SAMSN1: variants seen among roughly 807,000 people sequenced by gnomAD.
SAMSN1 encodes the protein SAM domain, SH3 domain and nuclear localization signals 1.
A neutral mutation model predicts 42.0 loss-of-function variants in SAMSN1; 31 were observed. The observed-to-expected ratio is 0.74, with a 90% CI of 0.55 to 1.00. The LOEUF (loss-of-function observed/expected upper bound fraction) is 1.00, where lower values mean the gene tolerates loss of function less well. Among genes scored for constraint, SAMSN1 ranks in the 50% least tolerant of loss-of-function variants. The probability of loss-of-function intolerance (pLI) is 0.00; values close to 1 mark genes in which losing one functional copy is unlikely to be tolerated. For synonymous variants in SAMSN1, 178 were observed against 151.9 expected (o/e 1.17, Z -1.26); for missense variants, 464 against 439.4 (o/e 1.06, Z -0.50).
At chr21:14,618,482 C>T (rs1400370865) in intron 2 of SAMSN1, among the ~76,000 whole-genome samples, 1 of 152,118 alleles carries the variant, frequency 6.6e-6, no homozygotes, top group Non-Finnish European at 1.5e-5. Flanking sequence ...TTTAGTACTG[C>T]TTATACCAGA....
chr21:14,575,654 G>A (rs141335806), intron 2 of SAMSN1, among the ~76,000 whole-genome samples: 4 of 152,108 alleles, frequency 2.6e-5, no homozygotes, highest in East Asian at 3.8e-4. Flanking sequence ...ACCTTCTTCC[G>A]GGTGAGTGTG....
At chr21:14,582,559 A>G in intron 1 of SAMSN1, 1 of 614,718 alleles carries the variant, frequency 1.6e-6, no homozygotes, top group Non-Finnish European at 2.9e-6. Flanking sequence ...TCTTCCATTT[A>G]TATAAGAGAA....
At position 14,498,564 on chromosome 21, in the gene SAMSN1, C is replaced by G. The variant is rs1478415228; in HGVS notation, c.797G>C (p.Gly266Ala). 1 of 1,602,558 alleles carries G rather than the reference C, an allele frequency of 6.2e-7. No individual in the cohort carries two copies. Among genetic ancestry groups the G allele is most frequent in the East Asian group, 2.2e-5 (1 of 44,502 alleles). ...TTTTAAATCTTCTAGAGTCTCATAACCATTGAGCAAAAGTGTTGAGGTGTA... is the reference window on the plus strand; with the variant it reads ...TTTTAAATCTTCTAGAGTCTCATAAGCATTGAGCAAAAGTGTTGAGGTGTA... ...QEYTSTLLLNGYETLEDLKDI... is the reference protein window; with the variant it reads ...QEYTSTLLLNAYETLEDLKDI... The change falls in exon 7 of 8, where the codon GGT becomes GCT. Residue 266 changes from glycine to alanine, a missense_variant. Gly to Ala is a moderately conservative substitution (Grantham distance 60, BLOSUM62 0). Transcript: ENST00000400566.
exon 2 of SAMSN1, chr21:14,582,375 G>A (rs753437101): frequency 1.3e-6 from 2 of 1,550,172 alleles, no homozygotes; most frequent in Admixed American, 3.9e-5. Flanking sequence ...GATGCAGAAA[G>A]AGTATCCAAT....
chr21:14,604,906 T>C (rs1166101278), intron 5 of SAMSN1, among the ~76,000 whole-genome samples: 1 of 152,224 alleles, frequency 6.6e-6, no homozygotes, highest in South Asian at 2.1e-4. Context: ...GTTCCCCAAA[T>C]GAATTACTGA....
intron 7 of SAMSN1, among the ~76,000 whole-genome samples, chr21:14,486,862 G>A (rs1986455397): frequency 6.6e-6 from 1 of 152,028 alleles, no homozygotes; most frequent in Non-Finnish European, 1.5e-5. Context: ...TATTCAACAG[G>A]CATTATCTTT....
chr21:14,508,086 T>A (rs1247045599), intron 5 of SAMSN1, among the ~76,000 whole-genome samples: 1 of 152,154 alleles, frequency 6.6e-6, no homozygotes, highest in Non-Finnish European at 1.5e-5. Flanking sequence ...AAATCTAAGA[T>A]CTGAAACTAT....
chr21:14,659,417 C>A (rs941224302), upstream of SAMSN1, among the ~76,000 whole-genome samples: 5 of 151,938 alleles, frequency 3.3e-5, no homozygotes, highest in African/African-American at 1.2e-4. Flanking sequence ...CTAACTCAAA[C>A]CCCATACCCA....
intron 5 of SAMSN1, among the ~76,000 whole-genome samples, chr21:14,501,828 G>A (rs1181332223): frequency 6.6e-6 from 1 of 152,166 alleles, no homozygotes; most frequent in East Asian, 1.9e-4. Flanking sequence ...AAGTATGAAT[G>A]AATCATATTA....
intron 1 of SAMSN1, among the ~76,000 whole-genome samples, chr21:14,648,104 T>C (rs910207696): frequency 1.3e-5 from 2 of 151,452 alleles, no homozygotes; most frequent in South Asian, 4.2e-4. Flanking sequence ...GCCCATTCAG[T>C]ATGATATTGG....
intron 4 of SAMSN1, among the ~76,000 whole-genome samples, chr21:14,611,067 A>G (rs1982693829): frequency 6.6e-6 from 1 of 151,984 alleles, no homozygotes; most frequent in Non-Finnish European, 1.5e-5. Flanking sequence ...CTGAAACTAC[A>G]GTCATGTGCC....
intron 2 of SAMSN1, among the ~76,000 whole-genome samples, chr21:14,519,800 A>G (rs761168123): frequency 3.2e-4 from 49 of 152,302 alleles, no homozygotes; most frequent in Admixed American, 1.6e-3. Flanking sequence ...ATCAGGTTCA[A>G]TGGTAAACAG....
Position 14,516,945 on chromosome 21 carries a change from T to C in SAMSN1, c.226A>G (p.Thr76Ala). Residue 76 changes from threonine (T) to alanine (A), a missense_variant, in exon 3 of 8, where the codon ACA becomes GCA. Coordinates refer to ENST00000400566, the MANE Select transcript of SAMSN1 (RefSeq NM_022136.5). ...TTTTTACCCACTTTTTTCTTCATTG[T>C]CCATGAAATAGCTCTCATTTTTTTA... is the stretch of plus-strand genomic sequence containing the variant. ...LGKKMRAISW[T>A]MKKKVGKKYI... 2 of 1,613,450 alleles carry C rather than the reference T, an allele frequency of 1.2e-6. No individual in the cohort carries two copies. Among genetic ancestry groups the C allele is most frequent in the South Asian group, 1.1e-5 (1 of 90,972 alleles).
chr21:14,566,316 A>G (rs1981114747), intron 2 of SAMSN1, among the ~76,000 whole-genome samples: 2 of 152,208 alleles, frequency 1.3e-5, no homozygotes, highest in Non-Finnish European at 2.9e-5. Context: ...AAAGCCTTTT[A>G]ACATAAGTAT....
intron 1 of SAMSN1, among the ~76,000 whole-genome samples, chr21:14,649,951 A>C (rs1568843621): frequency 6.6e-6 from 1 of 152,226 alleles, no homozygotes; most frequent in Non-Finnish European, 1.5e-5. Flanking sequence ...AAAGAAGGTC[A>C]CTATTTAATG....
At chr21:14,643,167 C>G (rs1321006624) in intron 1 of SAMSN1, 3 of 712,008 alleles carry the variant, frequency 4.2e-6, no homozygotes, top group Admixed American at 4.1e-5. Context: ...CAAGGAATAA[C>G]AGAATAATAA....
rs143603311 is a variant in SAMSN1 at position 14,633,816 on chromosome 21, A to G, written c.156+9186T>C. On this transcript the variant is annotated intron_variant, in intron 2 of 15. Coordinates refer to the SAMSN1 transcript ENST00000647101. The stretch of plus-strand genomic sequence containing the variant: ...GCTATGAAATAGAACAAAACTAACT[A>G]GCCATGAGGGGATTAACTCCTGACC... Among the ~76,000 whole-genome samples the G allele has an allele frequency of 1.1e-3, 174 of 152,316 alleles. 1 individual carries two copies. Among genetic ancestry groups the G allele is most frequent in the Non-Finnish European group, 2.0e-3 (139 of 68,022 alleles).
At chr21:14,541,515 G>GT (rs1357832250) in intron 1 of SAMSN1, among the ~76,000 whole-genome samples, 13 of 151,354 alleles carry the variant, frequency 8.6e-5, no homozygotes, top group African/African-American at 2.4e-5. Flanking sequence ...ATTTTTTGTG[G>GT]TTTTTTTTGT....
rs138174534 is a variant in SAMSN1 at position 14,493,148 on chromosome 21, G to A, written c.919+5294C>T. 7.4e-3 allele frequency among the ~76,000 whole-genome samples: 1,130 copies of A among 152,216 alleles called. 19 individuals carry two copies. The highest frequency in any genetic ancestry group is 0.026 in the African/African-American group (1,086 of 41,534). Reference sequence around the variant, plus strand: ...CAGGCAGGCAGGAAGGCACAACTGGGGATGCTTGAGCAATGAGGGGCTGCT... The same window carrying A: ...CAGGCAGGCAGGAAGGCACAACTGGAGATGCTTGAGCAATGAGGGGCTGCT... On this transcript the variant is annotated intron_variant, in intron 7 of 7. Coordinates refer to ENST00000400566, the MANE Select transcript of SAMSN1 (RefSeq NM_022136.5).
Sources: gnomAD v4.1 joint callset for allele counts (sites outside exome capture counted in the v4.1 genomes callset) on GRCh38, gnomAD v4.1.1 for gene constraint, MANE v1.5 for transcripts, NCBI Gene and HGNC (gene_info 2026-07-23, HGNC 2026-07-21) for gene names.